ULK4: variants seen among roughly 807,000 people sequenced by gnomAD.
ULK4 encodes unc-51 like kinase 4, also known as inactive serine/threonine-protein kinase ULK4.
In ULK4, 133 loss-of-function variants were observed where a neutral mutation model predicts 160.6. The observed-to-expected ratio is 0.83, with a 90% CI of 0.72 to 0.96. The LOEUF (loss-of-function observed/expected upper bound fraction) is 0.96. ULK4 is among the 40% of genes least tolerant of loss of function. The pLI is 0.00. For missense variants in ULK4, 1,580 were observed against 1,499.5 expected (o/e 1.05, Z -0.89); for synonymous variants, 534 against 539.8 (o/e 0.99, Z 0.15).
chr3:41,672,172 A>C (rs547072750), intron 29 of ULK4, among the ~76,000 whole-genome samples: 26 of 152,304 alleles, frequency 1.7e-4, no homozygotes, highest in African/African-American at 6.3e-4. Flanking sequence ...TTCTCAAAAA[A>C]CTTAAAATAG....
At chr3:41,850,043 T>C (rs1424574943) in intron 17 of ULK4, among the ~76,000 whole-genome samples, 4 of 152,130 alleles carry the variant, frequency 2.6e-5, no homozygotes, top group Non-Finnish European at 2.9e-5. Context: ...TTCCCACCTA[T>C]GAGTGAGAAC....
intron 27 of ULK4, among the ~76,000 whole-genome samples, chr3:41,687,188 C>T (rs993491386): frequency 3.9e-5 from 6 of 152,110 alleles, no homozygotes; most frequent in African/African-American, 1.4e-4. Context: ...TCCTGGCCAA[C>T]ATGGTGAAAC....
intron 35 of ULK4, among the ~76,000 whole-genome samples, chr3:41,390,257 T>A (rs1406242323): frequency 6.6e-6 from 1 of 152,190 alleles, no homozygotes; most frequent in African/African-American, 2.4e-5. Flanking sequence ...TTGATTCTTC[T>A]CTCTTTTCTT....
intron 31 of ULK4, among the ~76,000 whole-genome samples, chr3:41,572,953 G>A (rs550665941): frequency 1.2e-3 from 178 of 152,074 alleles, no homozygotes; most frequent in Non-Finnish European, 2.3e-3. Context: ...ACTCACAGAA[G>A]ATGGCATCAT....
chr3:41,520,535 GTA>G (rs2085898293), intron 32 of ULK4, among the ~76,000 whole-genome samples: 2 of 152,126 alleles, frequency 1.3e-5, no homozygotes, highest in Admixed American at 1.3e-4. Flanking sequence ...GCAGATTTGT[GTA>G]TGTGTTTGAG....
intron 22 of ULK4, among the ~76,000 whole-genome samples, chr3:41,732,268 A>G (rs140925353): frequency 7.0e-4 from 106 of 152,100 alleles, no homozygotes; most frequent in African/African-American, 2.5e-3. Context: ...ATTCAACTCA[A>G]TAGCAAAAGA....
chr3:41,961,551 C>CCCCTT (rs1700671263), intron 1 of ULK4, among the ~76,000 whole-genome samples: 5 of 8,304 alleles, frequency 6.0e-4, no homozygotes, highest in African/African-American at 9.1e-4. Flanking sequence ...TAGTCACTCA[C>CCCCTT]CCCCCCCCCC....
At chr3:41,306,568 G>T (rs2079942588) in intron 35 of ULK4, among the ~76,000 whole-genome samples, 1 of 150,922 alleles carries the variant, frequency 6.6e-6, no homozygotes, top group African/African-American at 2.4e-5. Flanking sequence ...TCCGGGAGGT[G>T]AGGGGCACCT....
At chr3:41,931,546 G>A (rs554327863) in intron 5 of ULK4, among the ~76,000 whole-genome samples, 11 of 150,814 alleles carry the variant, frequency 7.3e-5, no homozygotes, top group African/African-American at 2.4e-4. Context: ...CTATTGAGCC[G>A]CTAATGTGCC....
chr3:41,286,628 G>A lies in ULK4; in HGVS notation c.3679-37054C>T, dbSNP rs568666803. ...CACCCTAAACTGCAGGCACAGACACGACTAGGGAAAAAGGGAGGCTGGTGC... is the reference window on the plus strand; with the variant it reads ...CACCCTAAACTGCAGGCACAGACACAACTAGGGAAAAAGGGAGGCTGGTGC... On this transcript the variant is annotated intron_variant, in intron 35 of 36. Transcript: ENST00000301831. Among the ~76,000 whole-genome samples, 5 of 152,258 alleles carry A rather than the reference G, an allele frequency of 3.3e-5. No homozygotes were observed. The South Asian group carries it at 6.2e-4, about 19-fold the overall frequency.
At chr3:41,709,393 T>G (rs1037536990) in intron 25 of ULK4, among the ~76,000 whole-genome samples, 9 of 152,146 alleles carry the variant, frequency 5.9e-5, no homozygotes, top group South Asian at 2.1e-4. Context: ...TGTTTGGTTT[T>G]GTTTTGTTTT....
At chr3:41,446,653 C>G (rs563439549) in intron 34 of ULK4, among the ~76,000 whole-genome samples, 2 of 144,392 alleles carry the variant, frequency 1.4e-5, no homozygotes, top group African/African-American at 5.2e-5. Context: ...CGCAAGTTCT[C>G]ACTGATGGGT....
intron 27 of ULK4, chr3:41,688,040 G>C (rs1197321648): frequency 1.3e-5 from 2 of 152,256 alleles, no homozygotes; most frequent in Non-Finnish European, 2.9e-5. Flanking sequence ...ACATCTACTT[G>C]CCTTCAAGAC....
intron 13 of ULK4, among the ~76,000 whole-genome samples, chr3:41,900,227 T>A (rs1698304057): frequency 6.6e-6 from 1 of 150,526 alleles, no homozygotes; most frequent in South Asian, 2.1e-4. Context: ...CCAGAATGTC[T>A]CCCCATCGTC....
chr3:41,583,221 G>A (rs2030516295), intron 31 of ULK4, among the ~76,000 whole-genome samples: 2 of 152,080 alleles, frequency 1.3e-5, no homozygotes, highest in African/African-American at 2.4e-5. Flanking sequence ...CTTTAATGAT[G>A]GAAATAGTAA....
chr3:41,736,480 T>C (rs1386792647), intron 22 of ULK4, among the ~76,000 whole-genome samples: 9 of 152,028 alleles, frequency 5.9e-5, no homozygotes, highest in Non-Finnish European at 1.3e-4. Flanking sequence ...TTTGGCTGCA[T>C]AAATGTCTTC....
At chr3:41,757,943 A>G (rs568273915) in intron 21 of ULK4, among the ~76,000 whole-genome samples, 5 of 152,110 alleles carry the variant, frequency 3.3e-5, no homozygotes, top group African/African-American at 7.2e-5. Context: ...CTCTGATTTT[A>G]CCTGCTATGG....
At chr3:41,720,993 T>C (rs1007467821) in intron 22 of ULK4, among the ~76,000 whole-genome samples, 14 of 152,028 alleles carry the variant, frequency 9.2e-5, no homozygotes, top group Admixed American at 7.9e-4. Flanking sequence ...TTAAATAAAA[T>C]ATGGTACATA....
rs35652378 is a variant in ULK4 at position 41,271,393 on chromosome 3, C to CTT, written c.3679-21821_3679-21820dup. On this transcript the variant is annotated intron_variant, in intron 35 of 36. Coordinates refer to ENST00000301831, the MANE Select transcript of ULK4 (RefSeq NM_017886.4). ...CATATTATAGCATGTATCAATAGTTCTTTTTTTTTTTTTTTTGAGACAAAG... is the reference window on the plus strand; with the variant it reads ...CATATTATAGCATGTATCAATAGTTCTTTTTTTTTTTTTTTTTTGAGACAAAG... Among the ~76,000 whole-genome samples the CTT allele has an allele frequency of 3.6e-3, 503 of 138,678 alleles. 6 individuals are homozygous for CTT. The highest frequency in any genetic ancestry group is 0.011 in the African/African-American group (420 of 37,546). The allele number at this position is 138,678 out of a possible 152,430, so 91.0% of individuals were successfully genotyped here. A position where few individuals can be genotyped will look rare whatever the true frequency, so the allele number is the denominator to read the frequency against.
Sources: allele counts gnomAD v4.1 joint callset (sites outside exome capture counted in the v4.1 genomes callset), GRCh38; gene constraint gnomAD v4.1.1; transcripts MANE v1.5; gene names NCBI Gene and HGNC (gene_info 2026-07-23, HGNC 2026-07-21).